CDK17: variants seen among roughly 807,000 people sequenced by gnomAD.
The protein encoded by CDK17 is cyclin-dependent kinase 17.
In CDK17, 24 loss-of-function variants were observed where a neutral mutation model predicts 77.6. The observed-to-expected ratio is 0.31, with a 90% confidence interval of 0.22 to 0.44. CDK17 has a LOEUF of 0.44. Among genes scored for constraint, CDK17 ranks in the 20% least tolerant of loss-of-function variants. The probability of loss-of-function intolerance (pLI) is 1.00; values close to 1 mark genes in which losing one functional copy is unlikely to be tolerated. For synonymous variants in CDK17, 203 were observed against 210.4 expected (o/e 0.96, Z 0.30); for missense variants, 429 against 622.5 (o/e 0.69, Z 3.31).
At chr12:96,288,777 T>C (rs970722602) in intron 11 of CDK17, among the ~76,000 whole-genome samples, 2 of 152,204 alleles carry the variant, frequency 1.3e-5, no homozygotes, top group Admixed American at 6.5e-5. Context: ...TTGGTGAATA[T>C]TAAATGATGA....
Position 96,352,670 on chromosome 12 carries a change from C to T in CDK17, c.-29-17805G>A, listed in dbSNP as rs530322563. Among the ~76,000 whole-genome samples the T allele has an allele frequency of 6.8e-4, 104 of 152,336 alleles. 1 individual carries two copies. The highest frequency in any genetic ancestry group is 2.4e-3 in the African/African-American group (100 of 41,562). On this transcript the variant is annotated intron_variant, in intron 1 of 16. Transcript: ENST00000261211. ...AACTGAACTGACTCAGCCCCTAACA[C>T]TAGTGACCTGACAGAATACTTCAGT...
intron 1 of CDK17, among the ~76,000 whole-genome samples, chr12:96,368,643 A>G (rs1167618913): frequency 6.6e-6 from 1 of 152,070 alleles, no homozygotes; most frequent in Non-Finnish European, 1.5e-5. Flanking sequence ...CCTCCTTTTA[A>G]TATTCCAATT....
chr12:96,344,155 TACAAAGAAAAAAGA>T (rs1176798244), intron 1 of CDK17, among the ~76,000 whole-genome samples: 2 of 151,898 alleles, frequency 1.3e-5, no homozygotes, highest in Admixed American at 6.6e-5. Flanking sequence ...GTCTTAGGGA[TACAAAGAAAAAAGA>T]ATGAAGAAAA....
intron 2 of CDK17, among the ~76,000 whole-genome samples, chr12:96,329,234 T>C (rs1449569549): frequency 6.6e-6 from 1 of 152,148 alleles, no homozygotes; most frequent in Non-Finnish European, 1.5e-5. Flanking sequence ...GGTTACGCAA[T>C]GTAAATAGAC....
At chr12:96,294,943 T>TA in intron 10 of CDK17, 56 bp downstream of exon 10, 1 of 1,457,374 alleles carries the variant, frequency 6.9e-7, no homozygotes, top group Admixed American at 2.2e-5. Flanking sequence ...GTTGATCTTT[T>TA]AACCATTACA....
intron 3 of CDK17, among the ~76,000 whole-genome samples, chr12:96,317,216 G>A (rs1479338873): frequency 6.6e-6 from 1 of 150,408 alleles, no homozygotes; most frequent in Non-Finnish European, 1.5e-5. Context: ...AGCGATCGAA[G>A]ATGAAATGAA....
chr12:96,291,318 G>T (rs188161500), intron 10 of CDK17, among the ~76,000 whole-genome samples: 3 of 152,074 alleles, frequency 2.0e-5, no homozygotes, highest in East Asian at 3.9e-4. Context: ...TTGAGACAGG[G>T]TCTTGTTCTG....
intron 1 of CDK17, among the ~76,000 whole-genome samples, chr12:96,349,037 C>T (rs1291362742): frequency 2.0e-5 from 3 of 152,058 alleles, no homozygotes; most frequent in African/African-American, 7.2e-5. Flanking sequence ...AATATAGATG[C>T]AAAAATCCTT....
At position 96,280,248 on chromosome 12, in the gene CDK17, G is replaced by A. The variant is rs1952158233; in HGVS notation, c.1566C>T (p.Leu522=). The change falls in exon 17 of 17, where the codon CTC becomes CTT. Residue 522 remains leucine (L), a synonymous_variant. Coordinates refer to ENST00000261211, the MANE Select transcript of CDK17 (RefSeq NM_002595.5). Reference sequence around the variant, plus strand: ...TGAAACCATGTTATCAGACTTAAAAGAGCATGCTCTGTCTTCTGTTCTTCC... The same window carrying A: ...TGAAACCATGTTATCAGACTTAAAAAAGCATGCTCTGTCTTCTGTTCTTCC... ...GHGKNRRQSM[L]F The A allele has an allele frequency of 1.9e-6, 3 of 1,551,174 alleles. No homozygotes were observed. The highest frequency in any genetic ancestry group is 2.6e-6 in the Non-Finnish European group (3 of 1,146,720).
chr12:96,387,526 T>C (rs1227253877), intron 1 of CDK17, among the ~76,000 whole-genome samples: 1 of 152,172 alleles, frequency 6.6e-6, no homozygotes, highest in Non-Finnish European at 1.5e-5. Context: ...GAATAATATA[T>C]AATAGTAAAC....
chr12:96,344,943 C>T (rs1204539930), intron 1 of CDK17, among the ~76,000 whole-genome samples: 2 of 152,136 alleles, frequency 1.3e-5, no homozygotes, highest in Non-Finnish European at 2.9e-5. Flanking sequence ...TTAAGGCCAA[C>T]ATGCATTAGC....
chr12:96,344,279 T>C (rs1046960534), intron 1 of CDK17, among the ~76,000 whole-genome samples: 3 of 152,096 alleles, frequency 2.0e-5, no homozygotes, highest in Non-Finnish European at 2.9e-5. Flanking sequence ...GGGGAAATAT[T>C]TGAAGAAATA....
At chr12:96,312,346 A>G (rs1313480395) in intron 4 of CDK17, among the ~76,000 whole-genome samples, 2 of 152,138 alleles carry the variant, frequency 1.3e-5, no homozygotes, top group African/African-American at 4.8e-5. Context: ...TGGTGGGGAA[A>G]CAAATTATAG....
At chr12:96,397,190 G>A (rs1954185769) in intron 1 of CDK17, among the ~76,000 whole-genome samples, 1 of 152,018 alleles carries the variant, frequency 6.6e-6, no homozygotes, top group Admixed American at 6.6e-5. Flanking sequence ...GGACTGAACT[G>A]GTATCTGAAA....
intron 5 of CDK17, among the ~76,000 whole-genome samples, chr12:96,308,164 GC>G (rs1287106109): frequency 1.4e-5 from 2 of 147,528 alleles, no homozygotes; most frequent in Non-Finnish European, 1.5e-5. Context: ...GGAAACCAAT[GC>G]AGAAGGACCG....
intron 1 of CDK17, among the ~76,000 whole-genome samples, chr12:96,345,109 G>A (rs944415911): frequency 6.6e-6 from 1 of 152,190 alleles, no homozygotes; most frequent in Non-Finnish European, 1.5e-5. Context: ...TTAGTTTGCT[G>A]AGCATAATGG....
At position 96,296,751 on chromosome 12, in the gene CDK17, T is replaced by A. The variant is rs189662113; in HGVS notation, c.873+519A>T. Among the ~76,000 whole-genome samples, 365 of 152,322 alleles carry A rather than the reference T, an allele frequency of 2.4e-3. 1 individual carries two copies. Among genetic ancestry groups the A allele is most frequent in the African/African-American group, 8.2e-3 (340 of 41,578 alleles). ...TATGGCAAACATTTTTAGCATTAAA[T>A]TTTTAAATATGTTGTTGTAAGAAAA... On this transcript the variant is annotated intron_variant, in intron 9 of 16. Coordinates refer to ENST00000261211, the MANE Select transcript of CDK17 (RefSeq NM_002595.5).
At chr12:96,299,679 G>A (rs906259472) in intron 6 of CDK17, among the ~76,000 whole-genome samples, 67 of 152,276 alleles carry the variant, frequency 4.4e-4, no homozygotes, top group African/African-American at 1.5e-3. Context: ...GTGAGCCACC[G>A]CGCCCGGCAA....
chr12:96,311,100 A>T lies in CDK17; in HGVS notation c.495T>A (p.Ser165Arg), dbSNP rs965926562. 1 of 1,602,578 alleles carries T rather than the reference A, an allele frequency of 6.2e-7. No individual in the cohort carries two copies. The highest frequency in any genetic ancestry group is 8.5e-7 in the Non-Finnish European group (1 of 1,176,748). The change falls in exon 5 of 17, where the codon AGT becomes AGA. Residue 165 changes from serine (S) to arginine (R), a missense_variant. Ser to Arg is a moderately radical substitution (Grantham distance 110). Transcript: ENST00000261211. ...DGYLEKLQINSPPFDQPMSRR... is the reference protein window; with the variant it reads ...DGYLEKLQINRPPFDQPMSRR... Reference sequence around the variant, plus strand: ...GACTCATTGGTTGGTCAAATGGTGGACTGTTTATCTGCAACTTTTCAAGAT... The same window carrying T: ...GACTCATTGGTTGGTCAAATGGTGGTCTGTTTATCTGCAACTTTTCAAGAT...
Sources: allele counts gnomAD v4.1 joint callset (sites outside exome capture counted in the v4.1 genomes callset), GRCh38; gene constraint gnomAD v4.1.1; transcripts MANE v1.5; gene names NCBI Gene and HGNC (gene_info 2026-07-23, HGNC 2026-07-21).